The following CFAP95 variants were observed in gnomAD, a reference collection of about 807,000 sequenced individuals.
The protein encoded by CFAP95 is cilia and flagella associated protein 95.
chr9:69,885,690 G>A, the CFAP95 span, among the ~76,000 whole-genome samples: 40 of 152,140 alleles, frequency 2.6e-4, no homozygotes, highest in Non-Finnish European at 2.1e-4. Context: ...TGGAGGTTGG[G>A]AATGTTATGT....
the CFAP95 span, among the ~76,000 whole-genome samples, chr9:69,875,198 G>A: frequency 6.6e-6 from 1 of 151,852 alleles, no homozygotes. Flanking sequence ...ATTGATTGTT[G>A]CCCTGTTTTT....
the CFAP95 span, among the ~76,000 whole-genome samples, chr9:69,856,922 T>TTG: frequency 7.6e-6 from 1 of 131,718 alleles, no homozygotes; most frequent in South Asian, 2.1e-4. Flanking sequence ...TTATATGTGT[T>TTG]TTTTTTTTTT....
the CFAP95 span, among the ~76,000 whole-genome samples, chr9:69,845,207 A>T: frequency 6.6e-6 from 1 of 152,174 alleles, no homozygotes; most frequent in Non-Finnish European, 1.5e-5. Flanking sequence ...GGCATAAGTA[A>T]TTCCTGTTTT....
the CFAP95 span, among the ~76,000 whole-genome samples, chr9:69,848,800 T>A: frequency 3.3e-5 from 5 of 152,168 alleles, no homozygotes; most frequent in Admixed American, 2.0e-4. Context: ...GGCTATTATA[T>A]GGGACTGGCA....
the CFAP95 span, among the ~76,000 whole-genome samples, chr9:69,895,624 A>C: frequency 6.6e-6 from 1 of 152,132 alleles, no homozygotes; most frequent in African/African-American, 2.4e-5. Context: ...ATTATACTTA[A>C]TTATAAATTA....
the CFAP95 span, among the ~76,000 whole-genome samples, chr9:69,886,019 C>A: frequency 0.6 from 91,788 of 152,070 alleles, 28,066 homozygotes; most frequent in East Asian, 0.82. Flanking sequence ...TAAGTTTTAA[C>A]TTGCAGGTGG....
At chr9:69,880,451 A>G in the CFAP95 span, among the ~76,000 whole-genome samples, 28 of 151,984 alleles carry the variant, frequency 1.8e-4, no homozygotes, top group African/African-American at 6.3e-4. Flanking sequence ...TAACATAGTG[A>G]TCTCCTGTTC....
At chr9:69,890,443 C>A in the CFAP95 span, among the ~76,000 whole-genome samples, 95 of 152,258 alleles carry the variant, frequency 6.2e-4, no homozygotes, top group African/African-American at 2.2e-3. Flanking sequence ...CTTCTGACAC[C>A]CACATTTAAT....
chr9:69,829,072 A>C, the CFAP95 span, among the ~76,000 whole-genome samples: 4 of 152,160 alleles, frequency 2.6e-5, no homozygotes, highest in Non-Finnish European at 5.9e-5. Context: ...GATGTTATTC[A>C]CATTCATTTG....
the CFAP95 span, among the ~76,000 whole-genome samples, chr9:69,852,001 G>A: frequency 1.3e-5 from 2 of 151,994 alleles, no homozygotes; most frequent in African/African-American, 4.8e-5. Flanking sequence ...CAAAATAATA[G>A]CAGTTATATT....
chr9:69,858,335 A>C, the CFAP95 span, among the ~76,000 whole-genome samples: 1 of 152,186 alleles, frequency 6.6e-6, no homozygotes, highest in Non-Finnish European at 1.5e-5. Flanking sequence ...ATCCCAACTG[A>C]GGTCGAACAG....
the CFAP95 span, among the ~76,000 whole-genome samples, chr9:69,864,261 T>G: frequency 6.6e-6 from 1 of 152,264 alleles, no homozygotes; most frequent in East Asian, 1.9e-4. Flanking sequence ...AGAAAAAAAT[T>G]AATAGTGTTT....
At chr9:69,859,001 T>C in the CFAP95 span, among the ~76,000 whole-genome samples, 1 of 152,226 alleles carries the variant, frequency 6.6e-6, no homozygotes, top group African/African-American at 2.4e-5. Flanking sequence ...TGTGGGGTTG[T>C]TGTGAAGATT....
At chr9:69,897,600 G>A in the CFAP95 span, among the ~76,000 whole-genome samples, 336 of 152,220 alleles carry the variant, frequency 2.2e-3, no homozygotes, top group African/African-American at 7.7e-3. Flanking sequence ...CCAAGGAATA[G>A]CCTACCAGAA....
At chr9:69,855,617 T>G in the CFAP95 span, among the ~76,000 whole-genome samples, 4 of 152,152 alleles carry the variant, frequency 2.6e-5, no homozygotes, top group African/African-American at 9.7e-5. Flanking sequence ...TGGAGAGCAG[T>G]GCTCTGAGAA....
chr9:69,858,730 G>T, the CFAP95 span, among the ~76,000 whole-genome samples: 1 of 152,110 alleles, frequency 6.6e-6, no homozygotes, highest in Admixed American at 6.5e-5. Context: ...TAAGATCAAT[G>T]GTTCAATATT....
the CFAP95 span, among the ~76,000 whole-genome samples, chr9:69,854,763 A>G: frequency 4.7e-3 from 719 of 152,240 alleles, 6 homozygotes; most frequent in African/African-American, 0.017. Flanking sequence ...GAGCTTGGAC[A>G]TTTATTTCTG....
At chr9:69,859,863 G>A in the CFAP95 span, among the ~76,000 whole-genome samples, 2 of 152,112 alleles carry the variant, frequency 1.3e-5, no homozygotes, top group African/African-American at 2.4e-5. Flanking sequence ...GAACAGTGTA[G>A]GCAATTATAA....
the CFAP95 span, among the ~76,000 whole-genome samples, chr9:69,880,737 C>G: frequency 1.3e-5 from 2 of 152,204 alleles, no homozygotes; most frequent in Non-Finnish European, 2.9e-5. Flanking sequence ...AACCTCCAAA[C>G]TGTTCTCCAT....
Sources: gnomAD v4.1 joint callset for allele counts (sites outside exome capture counted in the v4.1 genomes callset) on GRCh38, gnomAD v4.1.1 for gene constraint, MANE v1.5 for transcripts, NCBI Gene and HGNC (gene_info 2026-07-23, HGNC 2026-07-21) for gene names.